AP4S1: variants seen among roughly 807,000 people sequenced by gnomAD.
AP4S1 encodes adaptor related protein complex 4 subunit sigma 1.
A neutral mutation model predicts 19.8 loss-of-function variants in AP4S1; 23 were observed. The ratio of observed to expected loss-of-function variants is 1.16; its 90% confidence interval spans 0.84 to 1.65. The LOEUF (loss-of-function observed/expected upper bound fraction) is 1.65, where lower values mean the gene tolerates loss of function less well. Ranked by LOEUF, AP4S1 falls within the 40% of genes most tolerant of loss-of-function variation. The pLI is 0.00. For synonymous variants in AP4S1, 46 were observed against 54.1 expected (o/e 0.85, Z 0.66); for missense variants, 166 against 172.8 (o/e 0.96, Z 0.22).
chr14:31,028,875 G>A (rs999691685), intron 1 of AP4S1, among the ~76,000 whole-genome samples: 1 of 152,168 alleles, frequency 6.6e-6, no homozygotes, highest in Non-Finnish European at 1.5e-5. Flanking sequence ...GAGAGAGTGA[G>A]ATTCCATCCC....
At chr14:31,029,478 A>C (rs1210778331) in intron 1 of AP4S1, among the ~76,000 whole-genome samples, 1 of 152,218 alleles carries the variant, frequency 6.6e-6, no homozygotes, top group African/African-American at 2.4e-5. Context: ...ATGCTATTTC[A>C]TTCCACAGTA....
chr14:31,073,055 C>G (rs773195522), intron 4 of AP4S1, 82 bp downstream of exon 4: 1 of 1,165,270 alleles, frequency 8.6e-7, no homozygotes, highest in South Asian at 1.2e-5. Context: ...ATATCAAGAA[C>G]ATGTGTTAAT....
intron 1 of AP4S1, among the ~76,000 whole-genome samples, chr14:31,036,166 G>A (rs1015902405): frequency 6.7e-5 from 10 of 148,680 alleles, no homozygotes; most frequent in East Asian, 1.9e-4. Flanking sequence ...GTTGCATCAC[G>A]AATTAGTAAC....
chr14:31,085,283 C>A lies in AP4S1; in HGVS notation c.306+4699C>A, dbSNP rs990795433. 3 of 1,008,982 alleles carry A rather than the reference C, an allele frequency of 3.0e-6. No homozygotes were observed. The East Asian group carries it at 2.9e-4, about 97-fold the overall frequency. The allele number at this position is 1,008,982 out of a possible 1,614,324, so 62.5% of individuals were successfully genotyped here. A position where few individuals can be genotyped will look rare whatever the true frequency, so the allele number is the denominator to read the frequency against. ...GCCACCATGGCCTCTGCAAGCCTCTCCTCCACCTTCACCCCAAGACTAGGG... is the reference window on the plus strand; with the variant it reads ...GCCACCATGGCCTCTGCAAGCCTCTACTCCACCTTCACCCCAAGACTAGGG... On this transcript the variant is annotated intron_variant, in intron 5 of 5. Transcript: ENST00000542754.
At chr14:31,065,904 C>T (rs1381778937) in intron 1 of AP4S1, among the ~76,000 whole-genome samples, 1 of 152,168 alleles carries the variant, frequency 6.6e-6, no homozygotes, top group African/African-American at 2.4e-5. Flanking sequence ...TTGTGATCCA[C>T]CTGCCTCGGC....
chr14:31,035,952 G>T (rs536765560), intron 1 of AP4S1, among the ~76,000 whole-genome samples: 1 of 151,872 alleles, frequency 6.6e-6, no homozygotes, highest in African/African-American at 2.4e-5. Flanking sequence ...GGATGGTCTC[G>T]ATATCCTGAC....
intron 1 of AP4S1, chr14:31,026,516 C>T (rs545110148): frequency 7.8e-4 from 213 of 271,846 alleles, no homozygotes; most frequent in African/African-American, 4.2e-3. Flanking sequence ...CACGCTTAAT[C>T]GCCAAATAGA....
At chr14:31,051,190 A>T (rs1885770408) in intron 1 of AP4S1, among the ~76,000 whole-genome samples, 1 of 151,782 alleles carries the variant, frequency 6.6e-6, no homozygotes, top group Non-Finnish European at 1.5e-5. Context: ...CAGGGAGTCA[A>T]GGCTGCAGTG....
Position 31,066,108 on chromosome 14 carries a change from T to C in AP4S1, c.-71-18T>C. ...ATTTGATCTTGCCTTTCTGGTTTTG[T>C]TTGTTTTTGTCTTCAAGGTTCCAGT... is the stretch of plus-strand genomic sequence containing the variant. On this transcript the variant is annotated intron_variant, in intron 1 of 5. Transcript: ENST00000542754. The C allele has an allele frequency of 7.7e-7, 1 of 1,306,316 alleles. No individual in the cohort carries two copies. The highest frequency in any genetic ancestry group is 1.1e-6 in the Non-Finnish European group (1 of 919,742). The allele number at this position is 1,306,316 out of a possible 1,614,324, so 80.9% of individuals were successfully genotyped here. A position where few individuals can be genotyped will look rare whatever the true frequency, so the allele number is the denominator to read the frequency against.
At chr14:31,091,324 G>A (rs985728178) in intron 5 of AP4S1, among the ~76,000 whole-genome samples, 4 of 152,056 alleles carry the variant, frequency 2.6e-5, no homozygotes, top group South Asian at 4.1e-4. Context: ...CATTTTTCAC[G>A]TAGCCACCTG....
chr14:31,083,336 A>C (rs1420516378), intron 5 of AP4S1: 1 of 403,316 alleles, frequency 2.5e-6, no homozygotes, highest in Non-Finnish European at 4.9e-6. Context: ...TCCATCTGGC[A>C]AATTAGGAAT....
intron 1 of AP4S1, among the ~76,000 whole-genome samples, chr14:31,055,932 C>T (rs1376095143): frequency 6.6e-6 from 1 of 151,364 alleles, no homozygotes; most frequent in Non-Finnish European, 1.5e-5. Context: ...CAACCTCAGC[C>T]TCCTGGGTTC....
chr14:31,048,031 A>G (rs1885522454), intron 1 of AP4S1, among the ~76,000 whole-genome samples: 1 of 151,594 alleles, frequency 6.6e-6, no homozygotes, highest in Non-Finnish European at 1.5e-5. Context: ...ATTTAGGTCT[A>G]TGATCTGTTT....
At chr14:31,037,380 G>A (rs923874839) in intron 1 of AP4S1, among the ~76,000 whole-genome samples, 1 of 152,074 alleles carries the variant, frequency 6.6e-6, no homozygotes, top group Non-Finnish European at 1.5e-5. Context: ...CTGTTATTGT[G>A]AGGAGGTTCG....
intron 1 of AP4S1, chr14:31,026,265 G>T: frequency 4.6e-6 from 6 of 1,314,228 alleles, no homozygotes; most frequent in Non-Finnish European, 5.8e-6. Flanking sequence ...CCCCGCGCTG[G>T]CTGCGGGGCG....
Position 31,066,223 on chromosome 14 carries a change from T to A in AP4S1, c.27T>A (p.Asn9Lys). The A allele has an allele frequency of 6.2e-7, 1 of 1,614,024 alleles. No individual in the cohort carries two copies. Among genetic ancestry groups the A allele is most frequent in the Non-Finnish European group, 8.5e-7 (1 of 1,179,954 alleles). ...TGATAAAATTTTTCCTCATGGTGAA[T>A]AAACAAGGGCAGACTCGACTTTCTA... MIKFFLMV[N>K]KQGQTRLSKY... The change falls in exon 2 of 6, where the codon AAT becomes AAA. Residue 9 changes from asparagine (N) to lysine (K), a missense_variant. Transcript: ENST00000542754.
At chr14:31,040,869 T>C (rs2139448834) in intron 1 of AP4S1, among the ~76,000 whole-genome samples, 1 of 151,948 alleles carries the variant, frequency 6.6e-6, no homozygotes, top group African/African-American at 2.4e-5. Flanking sequence ...ATTTAAAAAA[T>C]TAGATAAGAT....
chr14:31,059,613 G>A lies in AP4S1; in HGVS notation c.-71-6513G>A, dbSNP rs61622691. On this transcript the variant is annotated intron_variant, in intron 1 of 5. Coordinates refer to ENST00000542754, the MANE Select transcript of AP4S1 (RefSeq NM_001128126.3). ...AATCTTAGCTTCCTGGTAACCTGCC[G>A]TAATTTACTGACAATAATTTGTGAG... Among the ~76,000 whole-genome samples the A allele has an allele frequency of 9.2e-3, 1,401 of 152,238 alleles. 19 individuals are homozygous for A. The highest frequency in any genetic ancestry group is 0.032 in the African/African-American group (1,325 of 41,526).
chr14:31,057,154 C>T (rs761236700), intron 1 of AP4S1, among the ~76,000 whole-genome samples: 5 of 152,156 alleles, frequency 3.3e-5, no homozygotes, highest in Non-Finnish European at 7.3e-5. Context: ...AGATTAAAGA[C>T]AGCATTGTAG....
Sources: allele counts gnomAD v4.1 joint callset (sites outside exome capture counted in the v4.1 genomes callset), GRCh38; gene constraint gnomAD v4.1.1; transcripts MANE v1.5; gene names NCBI Gene and HGNC (gene_info 2026-07-23, HGNC 2026-07-21).